Variants in PDE3B observed in about 807,000 individuals in gnomAD.
The protein encoded by PDE3B is phosphodiesterase 3B.
In PDE3B, 66 loss-of-function variants were observed where a neutral mutation model predicts 116.8. That is an observed-to-expected ratio of 0.56 (90% CI 0.46 to 0.69). PDE3B has a LOEUF of 0.69. Ranked by LOEUF, PDE3B falls within the 30% of genes least tolerant of loss-of-function variation. The probability of loss-of-function intolerance (pLI) is 0.00; values close to 1 mark genes in which losing one functional copy is unlikely to be tolerated. For missense variants in PDE3B, 1,384 were observed against 1,368.1 expected (o/e 1.01, Z -0.18); for synonymous variants, 595 against 533.6 (o/e 1.12, Z -1.59).
intron 4 of PDE3B, among the ~76,000 whole-genome samples, chr11:14,797,334 C>CT (rs1858588704): frequency 6.6e-6 from 1 of 152,194 alleles, no homozygotes; most frequent in Non-Finnish European, 1.5e-5. Flanking sequence ...TTACTGTAGC[C>CT]TTGCAGTATA....
At chr11:14,892,007 T>C in the PDE3B span, 2 of 1,613,474 alleles carry the variant, frequency 1.2e-6, no homozygotes, top group Non-Finnish European at 8.5e-7. Context: ...CTCTGCTTTC[T>C]CATGTAGACA....
In PDE3B at chr11:14,776,884, C is replaced by T. The variant is rs933396306; in HGVS notation, c.1029+4897C>T. ...AAAAAATCACCCATCATACCAAAAC[C>T]AAGAAAATCACAACTTGAATAAGAA... On this transcript the variant is annotated intron_variant, in intron 2 of 15. Coordinates refer to ENST00000282096, the MANE Select transcript of PDE3B (RefSeq NM_000922.4). Among the ~76,000 whole-genome samples, 23 of 151,708 alleles carry T rather than the reference C, an allele frequency of 1.5e-4. 1 individual carries two copies. Among genetic ancestry groups the T allele is most frequent in the Admixed American group, 1.5e-3 (23 of 15,242 alleles).
chr11:14,734,351 A>G (rs1376258755), intron 1 of PDE3B, among the ~76,000 whole-genome samples: 1 of 152,228 alleles, frequency 6.6e-6, no homozygotes, highest in African/African-American at 2.4e-5. Context: ...GTTTACAGGC[A>G]TGAGCCACTG....
intron 1 of PDE3B, among the ~76,000 whole-genome samples, chr11:14,678,075 T>A (rs1854587474): frequency 6.6e-6 from 1 of 152,162 alleles, no homozygotes; most frequent in Admixed American, 6.5e-5. Context: ...ATTACAGGCA[T>A]GCACCACCAC....
chr11:14,835,319 T>C (rs1860019802), intron 11 of PDE3B, among the ~76,000 whole-genome samples: 1 of 152,232 alleles, frequency 6.6e-6, no homozygotes, highest in Non-Finnish European at 1.5e-5. Context: ...ATCTTAAAGA[T>C]AGATTAATAT....
intron 1 of PDE3B, among the ~76,000 whole-genome samples, chr11:14,745,882 A>G (rs1346892668): frequency 6.6e-6 from 1 of 152,166 alleles, no homozygotes; most frequent in Non-Finnish European, 1.5e-5. Context: ...AACATCCATG[A>G]TAGTTATTCC....
At chr11:14,850,754 A>G (rs1847729133) in intron 12 of PDE3B, among the ~76,000 whole-genome samples, 1 of 152,182 alleles carries the variant, frequency 6.6e-6, no homozygotes, top group Admixed American at 6.5e-5. Flanking sequence ...AAGAGGCAAG[A>G]GTTCTCAACA....
chr11:14,846,607 G>A (rs1490253758), intron 12 of PDE3B, among the ~76,000 whole-genome samples: 1 of 152,108 alleles, frequency 6.6e-6, no homozygotes, highest in Non-Finnish European at 1.5e-5. Flanking sequence ...CTCATGTGCA[G>A]AGACACACAT....
intron 14 of PDE3B, 144 bp downstream of exon 14, chr11:14,861,510 G>GTTCTTAGTA (rs1847950352): frequency 1.2e-5 from 9 of 730,218 alleles, no homozygotes. Context: ...ATTTGCTTTG[G>GTTCTTAGTA]TTCTTAGTAT....
At chr11:14,690,458 T>TA (rs1219021415) in intron 1 of PDE3B, among the ~76,000 whole-genome samples, 1 of 152,074 alleles carries the variant, frequency 6.6e-6, no homozygotes, top group Admixed American at 6.6e-5. Context: ...ATGCAAAAAA[T>TA]ATGTAGAAGT....
chr11:14,681,205 G>T (rs1328493363), intron 1 of PDE3B, among the ~76,000 whole-genome samples: 5 of 152,138 alleles, frequency 3.3e-5, no homozygotes, highest in African/African-American at 1.2e-4. Context: ...AACTTATAGT[G>T]CATTTATCTA....
At chr11:14,868,997 G>A (rs1049802374) in intron 15 of PDE3B, among the ~76,000 whole-genome samples, 3 of 151,872 alleles carry the variant, frequency 2.0e-5, no homozygotes, top group Non-Finnish European at 4.4e-5. Context: ...CTCCAGCCTG[G>A]GCGACAGAGC....
chr11:14,891,529 C>T, the PDE3B span: 1 of 997,042 alleles, frequency 1.0e-6, no homozygotes, highest in South Asian at 4.4e-5. Flanking sequence ...CACCGAAGAA[C>T]CTGCTATTAA....
Position 14,870,696 on chromosome 11 carries a change from TGTTA to T in PDE3B, c.*1037_*1040del, listed in dbSNP as rs1246077241. 6.6e-6 allele frequency: 1 copy of T among 152,244 alleles called. No individual in the cohort carries two copies. The highest frequency in any genetic ancestry group is 1.5e-5 in the Non-Finnish European group (1 of 68,032). 9.4% of individuals were successfully genotyped at this position (152,244 alleles called of 1,614,324 possible). A position where few individuals can be genotyped will look rare whatever the true frequency, so the allele number is the denominator to read the frequency against. On this transcript the variant is annotated 3_prime_UTR_variant, in exon 16 of 16. Coordinates refer to ENST00000282096, the MANE Select transcript of PDE3B (RefSeq NM_000922.4). The surrounding 1 kb of genome is among the most constrained non-coding windows in gnomAD (Gnocchi z 4.1). ...ACTCTAAAACTGATGTTCATCTTTC[TGTTA>T]ATTTCCCTCTGCCTAAAGACTACAT...
At chr11:14,686,992 C>G (rs538936112) in intron 1 of PDE3B, among the ~76,000 whole-genome samples, 8 of 152,062 alleles carry the variant, frequency 5.3e-5, no homozygotes, top group Non-Finnish European at 8.8e-5. Context: ...GGATTACAGG[C>G]GTGAGCCACC....
At chr11:14,687,249 G>A (rs1195835495) in intron 1 of PDE3B, among the ~76,000 whole-genome samples, 1 of 152,018 alleles carries the variant, frequency 6.6e-6, no homozygotes, top group African/African-American at 2.4e-5. Context: ...TACTTTATCA[G>A]GTAGGGAAGA....
rs11023333 is a variant in PDE3B at position 14,770,345 on chromosome 11, T to G, written c.979-1592T>G. 9.2e-4 allele frequency among the ~76,000 whole-genome samples: 140 copies of G among 151,550 alleles called. 3 individuals carry two copies. The East Asian group carries it at 0.025, about 27-fold the overall frequency. On this transcript the variant is annotated intron_variant, in intron 1 of 15. Coordinates refer to ENST00000282096, the MANE Select transcript of PDE3B (RefSeq NM_000922.4). Reference sequence around the variant, plus strand: ...TGACATTCTCAATCTCCAAAGAAGCTGACAGGCTAAAATAAGGGCAGAAGT... The same window carrying G: ...TGACATTCTCAATCTCCAAAGAAGCGGACAGGCTAAAATAAGGGCAGAAGT...
intron 1 of PDE3B, among the ~76,000 whole-genome samples, chr11:14,664,212 A>T (rs1184267238): frequency 6.6e-6 from 1 of 152,254 alleles, no homozygotes; most frequent in Non-Finnish European, 1.5e-5. Context: ...TGTTCTTTGA[A>T]ACCAACGAGA....
intron 7 of PDE3B, among the ~76,000 whole-genome samples, chr11:14,824,991 A>C (rs1859643947): frequency 6.6e-6 from 1 of 152,182 alleles, no homozygotes; most frequent in Non-Finnish European, 1.5e-5. Context: ...TTCTTAAAAA[A>C]AAAAAAAATC....
Sources: allele counts gnomAD v4.1 joint callset (sites outside exome capture counted in the v4.1 genomes callset), GRCh38; gene constraint gnomAD v4.1.1; non-coding constraint Gnocchi (gnomAD v3.1); transcripts MANE v1.5; gene names NCBI Gene and HGNC (gene_info 2026-07-23, HGNC 2026-07-21).